AHI1: variants seen among roughly 807,000 people sequenced by gnomAD.
AHI1 encodes the protein Abelson helper integration site 1, also known as jouberin.
Under a neutral mutation model 149.3 loss-of-function variants are expected in AHI1, and 123 were observed. The observed-to-expected ratio is 0.82, with a 90% CI of 0.71 to 0.96. AHI1 has a LOEUF of 0.96. AHI1 is among the 40% of genes least tolerant of loss of function. The pLI is 0.00. For missense variants in AHI1, 1,439 were observed against 1,422.7 expected, an observed-to-expected ratio of 1.01 and a Z score of -0.18; for synonymous variants, 475 against 459.8, an observed-to-expected ratio of 1.03 and a Z score of -0.42.
intron 20 of AHI1, among the ~76,000 whole-genome samples, chr6:135,422,613 T>G (rs1313377529): frequency 1.6e-5 from 2 of 123,392 alleles, no homozygotes; most frequent in African/African-American, 5.9e-5. Flanking sequence ...CCTCAAAGTT[T>G]TATTTTTATG....
In AHI1 at chr6:135,466,260, C is replaced by T; in HGVS notation, c.303G>A (p.Leu101=). 1.9e-6 allele frequency: 3 copies of T among 1,613,904 alleles called. No homozygotes were observed. The highest frequency in any genetic ancestry group is 2.5e-6 in the Non-Finnish European group (3 of 1,179,850). ...TTTCAGTTGCTAACTGTGTGTTCCT[C>T]AATTTGTTTTTAGTGACTCTCGTGC... ...KKSTRVTKNK[L]RNTQLATENP... Residue 101 remains leucine, a synonymous_variant, in exon 7 of 29, where the codon TTG becomes TTA. Transcript: ENST00000265602.
chr6:135,459,712 CTACAGTATATCA>C, intron 8 of AHI1, among the ~76,000 whole-genome samples: 1 of 128,274 alleles, frequency 7.8e-6, no homozygotes, highest in Non-Finnish European at 1.6e-5. Flanking sequence ...CCCTCAAAAA[CTACAGTATATCA>C]AATAGCTGAC....
chr6:135,431,116 C>A (rs1784591966), intron 17 of AHI1, 92 bp downstream of exon 17: 4 of 754,352 alleles, frequency 5.3e-6, no homozygotes, highest in Non-Finnish European at 8.1e-6. Context: ...AATGAGAGAA[C>A]AGAATGTCCT....
At chr6:135,418,755 C>T (rs529061608) in intron 20 of AHI1, among the ~76,000 whole-genome samples, 1 of 151,964 alleles carries the variant, frequency 6.6e-6, no homozygotes, top group African/African-American at 2.4e-5. Context: ...CAAGACATTT[C>T]ATTATATATA....
At position 135,428,626 on chromosome 6, in the gene AHI1, C is replaced by T. The variant is rs2128009174; in HGVS notation, c.2623+3G>A. ...TGATTTTTAAAGTTCAATAAACATT[C>T]ACCTGTTTCTGGGTTCCAAACATAC... is the stretch of plus-strand genomic sequence containing the variant. On this transcript the variant is annotated splice_donor_region_variant and intron_variant, in intron 19 of 28. Transcript: ENST00000265602. 6.3e-7 allele frequency: 1 copy of T among 1,596,238 alleles called. No homozygotes were observed. The highest frequency in any genetic ancestry group is 8.5e-7 in the Non-Finnish European group (1 of 1,170,878).
intron 14 of AHI1, 70 bp from the exon 15 acceptor site, chr6:135,438,568 A>G: frequency 8.3e-7 from 1 of 1,199,176 alleles, no homozygotes; most frequent in Non-Finnish European, 1.1e-6. Context: ...CAAATATATA[A>G]TTTAATATTA....
chr6:135,472,018 CAAAAAAAAAAAAAAA>C (rs541390652), intron 5 of AHI1, among the ~76,000 whole-genome samples: 6 of 54,426 alleles, frequency 1.1e-4, no homozygotes, highest in African/African-American at 3.8e-4. Flanking sequence ...GACTCCGTCT[CAAAAAAAAAAAAAAA>C]AAAAAAAAAA....
intron 13 of AHI1, among the ~76,000 whole-genome samples, chr6:135,444,570 T>G (rs1786859333): frequency 6.6e-6 from 1 of 152,220 alleles, no homozygotes; most frequent in African/African-American, 2.4e-5. Flanking sequence ...CAAGCTCCAC[T>G]GTTGAATGAG....
At chr6:135,432,687 T>C (rs1249748608) in intron 16 of AHI1, among the ~76,000 whole-genome samples, 3 of 152,134 alleles carry the variant, frequency 2.0e-5, no homozygotes, top group African/African-American at 2.4e-5. Context: ...AAACTTTAAA[T>C]AATTGCAAAT....
At chr6:135,444,407 T>C (rs996722465) in intron 13 of AHI1, among the ~76,000 whole-genome samples, 1 of 152,224 alleles carries the variant, frequency 6.6e-6, no homozygotes, top group Non-Finnish European at 1.5e-5. Context: ...TTATCTCCTC[T>C]TTTACAAACT....
At chr6:135,363,041 T>TTTATTATTA (rs772520434) in intron 23 of AHI1, among the ~76,000 whole-genome samples, 1 of 148,534 alleles carries the variant, frequency 6.7e-6, no homozygotes, top group African/African-American at 2.5e-5. Context: ...TTTATTTTAT[T>TTTATTATTA]TTATTATTAT....
At chr6:135,492,486 G>A (rs1795380532) in intron 3 of AHI1, 195 bp from the exon 4 acceptor site, 3 of 1,198,458 alleles carry the variant, frequency 2.5e-6, no homozygotes, top group Admixed American at 8.4e-5. Context: ...TAAAATCAAG[G>A]GAAACAAACT....
rs112119827 is a variant in AHI1 at position 135,380,915 on chromosome 6, T to C, written c.3109+13861A>G. The stretch of plus-strand genomic sequence containing the variant: ...TAGGGAAAACTTTTAAATTTAAACT[T>C]TGAACATAAGCATGATGATTTAGAA... On this transcript the variant is annotated intron_variant, in intron 23 of 28. Coordinates refer to ENST00000265602, the MANE Select transcript of AHI1 (RefSeq NM_001134831.2). Among the ~76,000 whole-genome samples the C allele has an allele frequency of 9.3e-3, 1,418 of 152,062 alleles. 19 individuals are homozygous for C. Among genetic ancestry groups the C allele is most frequent in the African/African-American group, 0.032 (1,323 of 41,482 alleles).
At chr6:135,434,749 T>C (rs1025956884) in intron 15 of AHI1, among the ~76,000 whole-genome samples, 4 of 151,922 alleles carry the variant, frequency 2.6e-5, no homozygotes, top group African/African-American at 9.7e-5. Context: ...AAATACAAAT[T>C]TGTAAAGACT....
At chr6:135,318,242 C>T (rs1022012666) in intron 26 of AHI1, among the ~76,000 whole-genome samples, 2 of 152,182 alleles carry the variant, frequency 1.3e-5, no homozygotes, top group African/African-American at 2.4e-5. Flanking sequence ...AGAGTAGAAA[C>T]AGCACACCTA....
rs1239228497 is a variant in AHI1 at position 135,284,386 on chromosome 6, A to G, written c.*1259T>C. The G allele has an allele frequency of 6.6e-6, 1 of 152,186 alleles. No individual in the cohort carries two copies. The highest frequency in any genetic ancestry group is 2.4e-5 in the African/African-American group (1 of 41,434). The allele number at this position is 152,186 out of a possible 1,614,324, so 9.4% of individuals were successfully genotyped here. A position where few individuals can be genotyped will look rare whatever the true frequency, so the allele number is the denominator to read the frequency against. ...TTTTTCTCACTTCTTATTTTAATGG[A>G]ATTGACTGTCTAATTTGGATAGGTC... On this transcript the variant is annotated 3_prime_UTR_variant, in exon 29 of 29. Transcript: ENST00000265602.
chr6:135,405,776 C>T (rs1780682794), intron 21 of AHI1, among the ~76,000 whole-genome samples: 1 of 149,032 alleles, frequency 6.7e-6, no homozygotes, highest in South Asian at 2.1e-4. Flanking sequence ...AGGAGAATCA[C>T]TTGAATCTGG....
chr6:135,476,209 C>T (rs1792605540), intron 5 of AHI1, among the ~76,000 whole-genome samples: 1 of 152,068 alleles, frequency 6.6e-6, no homozygotes, highest in South Asian at 2.1e-4. Context: ...TTCTTCAATA[C>T]ATTGATCTGG....
chr6:135,318,693 G>T, intron 25 of AHI1, 77 bp from the exon 26 acceptor site: 1 of 802,906 alleles, frequency 1.2e-6, no homozygotes, highest in Non-Finnish European at 1.9e-6. Context: ...GATGGTAGGG[G>T]CAAATATGAA....
Sources: gnomAD v4.1 joint callset for allele counts (sites outside exome capture counted in the v4.1 genomes callset) on GRCh38, gnomAD v4.1.1 for gene constraint, MANE v1.5 for transcripts, NCBI Gene and HGNC (gene_info 2026-07-23, HGNC 2026-07-21) for gene names.